The following TMC4 variants were observed in gnomAD, a reference collection of about 807,000 sequenced individuals.
The protein encoded by TMC4 is transmembrane channel like 4, also known as voltage-gated chloride channel TMC4.
In TMC4, 70 loss-of-function variants were observed where a neutral mutation model predicts 82.0. The ratio of observed to expected loss-of-function variants is 0.85; its 90% CI spans 0.70 to 1.04. The LOEUF is 1.04. Among genes scored for constraint, TMC4 ranks in the 50% least tolerant of loss-of-function variants. The probability of loss-of-function intolerance (pLI) is 0.00; values close to 1 mark genes in which losing one functional copy is unlikely to be tolerated. For synonymous variants in TMC4, 446 were observed against 406.0 expected (o/e 1.10, Z -1.18); for missense variants, 879 against 899.0 (o/e 0.98, Z 0.28).
chr19:54,163,479 C>A (rs2075621214), intron 8 of TMC4, among the ~76,000 whole-genome samples: 1 of 151,638 alleles, frequency 6.6e-6, no homozygotes, highest in African/African-American at 2.4e-5. Context: ...GGCTAATATT[C>A]GTATTTTTAC....
At chr19:54,166,101 A>C (rs1401707810) in intron 5 of TMC4, among the ~76,000 whole-genome samples, 1 of 152,032 alleles carries the variant, frequency 6.6e-6, no homozygotes, top group Non-Finnish European at 1.5e-5. Context: ...GGGGCAGGCC[A>C]GGCGCCATGG....
At position 54,171,998 on chromosome 19, in the gene TMC4, C is replaced by T. The variant is rs1460889859; in HGVS notation, c.165G>A (p.Ala55=). 8 of 1,613,098 alleles carry T rather than the reference C, an allele frequency of 5.0e-6. No homozygotes were observed. The Admixed American group carries it at 5.0e-5, about 10-fold the overall frequency. The change falls in exon 2 of 15, where the codon GCG becomes GCA. Residue 55 remains alanine, a synonymous_variant. Coordinates refer to ENST00000619895, the MANE Select transcript of TMC4 (RefSeq NM_144686.4). ...CTCCATCCTCCTCCTCCTCCTCCAG[C>T]GCCCCCCAAGGCAGCACCCCAGGGT... ...YRDPGVLPWG[A]LEEEEEDGGR...
chr19:54,168,861 TCTTTTC>T (rs1600582802), intron 3 of TMC4, among the ~76,000 whole-genome samples, 181 bp from the exon 4 acceptor site: 1 of 48,422 alleles, frequency 2.1e-5, no homozygotes, highest in East Asian at 8.2e-4. Flanking sequence ...TCTTTTCTTT[TCTTTTC>T]TTTTCTTTTC....
Position 54,165,453 on chromosome 19 carries a change from C to G in TMC4, c.911G>C (p.Arg304Pro). The part of the protein sequence containing the change: ...DFGLCGDVHV[R>P]LRQRIILYEL... ...GTACAAGATGATGCGCTGGCGCAGC[C>G]GCACGTGGACGTCCCCGCAGAGACC... The change falls in exon 6 of 15, where the codon CGG becomes CCG. Residue 304 changes from arginine (R) to proline (P), a missense_variant. By Grantham distance (103) the Arg-to-Pro change is moderately radical. Coordinates refer to ENST00000619895, the MANE Select transcript of TMC4 (RefSeq NM_144686.4). 6.2e-7 allele frequency: 1 copy of G among 1,610,186 alleles called. No homozygotes were observed. Among genetic ancestry groups the G allele is most frequent in the East Asian group, 2.2e-5 (1 of 44,706 alleles).
chr19:54,160,779 G>A, intron 13 of TMC4, 99 bp downstream of exon 13: 1 of 1,488,282 alleles, frequency 6.7e-7, no homozygotes, highest in Non-Finnish European at 9.0e-7. Context: ...TCAGTACGTT[G>A]CCTGCTCCCA....
chr19:54,172,137 C>G, intron 1 of TMC4, 54 bp from the exon 2 acceptor site: 1 of 1,446,050 alleles, frequency 6.9e-7, no homozygotes. Context: ...CTAATTCCTC[C>G]TCCCTCAGAC....
At position 54,164,488 on chromosome 19, in the gene TMC4, C is replaced by T. The variant is rs1388146096; in HGVS notation, c.1059G>A (p.Leu353=). The T allele has an allele frequency of 1.9e-6, 3 of 1,613,868 alleles. No individual in the cohort carries two copies. Among genetic ancestry groups the T allele is most frequent in the Admixed American group, 3.3e-5 (2 of 59,994 alleles). The change falls in exon 7 of 15, where the codon CTG becomes CTA. Residue 353 remains leucine (L), a synonymous_variant. Transcript: ENST00000619895. Reference sequence around the variant, plus strand: ...AGTAGACGCCATAGAAGGCTGCCCCCAGGAGCGCGACCACCAGCAGGTTGA... The same window carrying T: ...AGTAGACGCCATAGAAGGCTGCCCCTAGGAGCGCGACCACCAGCAGGTTGA... ...VLLNLLVVAL[L]GAAFYGVYWA... is the part of the protein sequence containing the mutation.
chr19:54,164,804 C>A (rs1568731845), intron 6 of TMC4: 1 of 662,512 alleles, frequency 1.5e-6, no homozygotes, highest in Admixed American at 3.0e-5. Flanking sequence ...GCGGCCGGAT[C>A]CAGCAACCCA....
chr19:54,172,101 G>T lies in TMC4; in HGVS notation c.80-18C>A. Reference sequence around the variant, plus strand: ...CGATGGGCCTGGGGAGGAGCAGGGGGCTGGGAAGACCCGGGAGTCTGGGCC... The same window carrying T: ...CGATGGGCCTGGGGAGGAGCAGGGGTCTGGGAAGACCCGGGAGTCTGGGCC... On this transcript the variant is annotated intron_variant, in intron 1 of 14. Transcript: ENST00000619895. 1 of 1,525,006 alleles carries T rather than the reference G, an allele frequency of 6.6e-7. No individual in the cohort carries two copies. Among genetic ancestry groups the T allele is most frequent in the Non-Finnish European group, 8.8e-7 (1 of 1,133,830 alleles). 94.5% of individuals were successfully genotyped at this position (1,525,006 alleles called of 1,614,324 possible).
At chr19:54,169,438 G>T in intron 3 of TMC4, 74 bp downstream of exon 3, 2 of 1,497,110 alleles carry the variant, frequency 1.3e-6, no homozygotes, top group East Asian at 2.4e-5. Context: ...CCAGGAGTCC[G>T]TCCCCAGCCC....
At position 54,171,716 on chromosome 19, in the gene TMC4, G is replaced by A. The variant is rs563223064; in HGVS notation, c.293+154C>T. 2.0e-5 allele frequency among the ~76,000 whole-genome samples: 3 copies of A among 152,308 alleles called. No homozygotes were observed. In the South Asian group the frequency reaches 6.2e-4, roughly 32 times the overall value. ...TCCGAAGTAGAGACAAAGATGAGGG[G>A]AAGAAAGAAACCAAGAGAGGCAGCT... On this transcript the variant is annotated intron_variant, in intron 2 of 14. Transcript: ENST00000619895.
Position 54,163,237 on chromosome 19 carries a change from C to A in TMC4, c.1278-78G>T, listed in dbSNP as rs1009306546. The A allele has an allele frequency of 1.2e-5, 19 of 1,551,844 alleles. No individual in the cohort carries two copies. In the Admixed American group the frequency reaches 3.2e-4, roughly 26 times the overall value. On this transcript the variant is annotated intron_variant, in intron 8 of 14. Transcript: ENST00000619895. ...AGTTCCCTTCTCAGTGGAACGCGCC[C>A]GCATTCAACCCATCTCACAGATGAA...
Position 54,163,905 on chromosome 19 carries a change from C to T in TMC4, c.1114-18G>A. 1 of 1,613,564 alleles carries T rather than the reference C, an allele frequency of 6.2e-7. No homozygotes were observed. The highest frequency in any genetic ancestry group is 8.5e-7 in the Non-Finnish European group (1 of 1,179,748). On this transcript the variant is annotated intron_variant, in intron 7 of 14. Transcript: ENST00000619895. ...GGCATCTCCTGGGAGCGGGATGGACCATGAGTAGAGGCTTGGGGTCCTGGA... is the reference window on the plus strand; with the variant it reads ...GGCATCTCCTGGGAGCGGGATGGACTATGAGTAGAGGCTTGGGGTCCTGGA...
rs1318518547 is a variant in TMC4, at chr19:54,169,412, C to T, written c.442+100G>A. ...CAGACCCAAAAATCCAGGCCCAAGC[C>T]CCTCCTCCCTCAAACCCAGGAGTCC... is the stretch of plus-strand genomic sequence containing the variant. On this transcript the variant is annotated intron_variant, in intron 3 of 14. Coordinates refer to ENST00000619895, the MANE Select transcript of TMC4 (RefSeq NM_144686.4). 3.4e-6 allele frequency: 5 copies of T among 1,463,466 alleles called. No homozygotes were observed. The South Asian group carries it at 4.1e-5, about 12-fold the overall frequency. The allele number at this position is 1,463,466 out of a possible 1,614,324, so 90.7% of individuals were successfully genotyped here. A position where few individuals can be genotyped will look rare whatever the true frequency, so the allele number is the denominator to read the frequency against.
chr19:54,164,650 G>A (rs996194254), intron 6 of TMC4, 49 bp from the exon 7 acceptor site: 2 of 1,604,134 alleles, frequency 1.2e-6, no homozygotes, highest in Non-Finnish European at 1.7e-6. Context: ...CAAGGCGCGG[G>A]CCTCCCGGTT....
chr19:54,162,109 A>T lies in TMC4; in HGVS notation c.1679T>A (p.Leu560Gln). Residue 560 changes from leucine (L) to glutamine (Q), a missense_variant, in exon 11 of 15, where the codon CTG becomes CAG. Coordinates refer to ENST00000619895, the MANE Select transcript of TMC4 (RefSeq NM_144686.4). ...NTVKFLLLFY[L>Q]KKLTLFSTCS... Reference sequence around the variant, plus strand: ...GTCCCCCCTACCCCTTACCTTCTTCAGGTAGAAAAGCAGCAGGAACTTGAC... The same window carrying T: ...GTCCCCCCTACCCCTTACCTTCTTCTGGTAGAAAAGCAGCAGGAACTTGAC... 1 of 1,611,366 alleles carries T rather than the reference A, an allele frequency of 6.2e-7. No individual in the cohort carries two copies. The highest frequency in any genetic ancestry group is 8.5e-7 in the Non-Finnish European group (1 of 1,178,742).
rs753781048 is a variant in TMC4 at position 54,162,711 on chromosome 19, A to T, written c.1464T>A (p.Thr488=). 6.2e-7 allele frequency: 1 copy of T among 1,613,346 alleles called. No homozygotes were observed. The highest frequency in any genetic ancestry group is 1.3e-5 in the African/African-American group (1 of 74,914). Residue 488 remains threonine, a synonymous_variant, in exon 10 of 15, where the codon ACT becomes ACA. Coordinates refer to ENST00000619895, the MANE Select transcript of TMC4 (RefSeq NM_144686.4). ...MYKLLLFDLL[T]VLAVALLIQF... is the part of the protein sequence containing the mutation. Reference sequence around the variant, plus strand: ...GGATGAGCAGCGCGACTGCCAAGACAGTCAGCAGATCAAAGAGCAGAAGTT... The same window carrying T: ...GGATGAGCAGCGCGACTGCCAAGACTGTCAGCAGATCAAAGAGCAGAAGTT...
At chr19:54,163,264 C>T in intron 8 of TMC4, 105 bp from the exon 9 acceptor site, 2 of 1,370,504 alleles carry the variant, frequency 1.5e-6, no homozygotes, top group Admixed American at 4.9e-5. Flanking sequence ...ACAGATGAAG[C>T]TGAGGCCCAG....
intron 3 of TMC4, 150 bp downstream of exon 3, chr19:54,169,362 T>C (rs2075826475): frequency 1.9e-6 from 2 of 1,052,684 alleles, no homozygotes; most frequent in Non-Finnish European, 2.6e-6. Context: ...GACCCAAGAG[T>C]CCAGACCCCC....
Sources: allele counts gnomAD v4.1 joint callset (sites outside exome capture counted in the v4.1 genomes callset), GRCh38; gene constraint gnomAD v4.1.1; transcripts MANE v1.5; gene names NCBI Gene and HGNC (gene_info 2026-07-23, HGNC 2026-07-21).